The following FAM227A variants were observed in gnomAD, a reference collection of about 807,000 sequenced individuals.
FAM227A encodes the protein protein FAM227A.
Under a neutral mutation model 74.7 loss-of-function variants are expected in FAM227A, and 80 were observed. The observed-to-expected ratio is 1.07, with a 90% CI of 0.89 to 1.29. The LOEUF (loss-of-function observed/expected upper bound fraction) is 1.29. FAM227A is among the 50% of genes most tolerant of loss of function. FAM227A has a pLI of 0.00. For synonymous variants in FAM227A, 237 were observed against 241.8 expected (o/e 0.98, Z 0.19); for missense variants, 654 against 683.4 (o/e 0.96, Z 0.48).
chr22:38,613,312 C>CATATATATATCATATATAATATATATCAT (rs1435078532), intron 11 of FAM227A, among the ~76,000 whole-genome samples: 3 of 56,542 alleles, frequency 5.3e-5, no homozygotes, highest in Non-Finnish European at 8.6e-5. Flanking sequence ...TAATATATAA[C>CATATATATATCATATATAATATATATCAT]ATATAATATA....
At chr22:38,624,352 G>T (rs999070174) in intron 9 of FAM227A, among the ~76,000 whole-genome samples, 1 of 151,704 alleles carries the variant, frequency 6.6e-6, no homozygotes, top group Non-Finnish European at 1.5e-5. Context: ...TCCTGCCATT[G>T]CCCTCCAGCA....
chr22:38,620,105 T>C, intron 11 of FAM227A, 107 bp downstream of exon 11: 1 of 761,534 alleles, frequency 1.3e-6, no homozygotes, highest in Middle Eastern at 3.8e-4. Flanking sequence ...GGGCAAGGGG[T>C]ACAGAGATGT....
intron 3 of FAM227A, among the ~76,000 whole-genome samples, chr22:38,644,395 G>A (rs1308291962): frequency 2.7e-5 from 4 of 149,190 alleles, no homozygotes; most frequent in South Asian, 2.2e-4. Flanking sequence ...GTAGATACAT[G>A]TCATTAAAGA....
At chr22:38,590,655 G>A (rs540431434) in intron 16 of FAM227A, among the ~76,000 whole-genome samples, 2 of 152,306 alleles carry the variant, frequency 1.3e-5, no homozygotes, top group South Asian at 4.1e-4. Context: ...AAGGAGCTCT[G>A]TCTCATACAG....
intron 11 of FAM227A, among the ~76,000 whole-genome samples, chr22:38,614,700 A>G (rs2091539881): frequency 6.6e-6 from 1 of 152,096 alleles, no homozygotes; most frequent in Non-Finnish European, 1.5e-5. Context: ...AGAGTTTTTG[A>G]TTATTTCTAT....
chr22:38,588,727 C>G (rs2146125550), intron 16 of FAM227A, among the ~76,000 whole-genome samples: 1 of 149,860 alleles, frequency 6.7e-6, no homozygotes, highest in South Asian at 2.1e-4. Context: ...TCGAGACCAT[C>G]CTGGCTAACA....
At chr22:38,636,026 AAGAGAG>A (rs2091997593) in intron 6 of FAM227A, among the ~76,000 whole-genome samples, 1 of 151,020 alleles carries the variant, frequency 6.6e-6, no homozygotes, top group Non-Finnish European at 1.5e-5. Context: ...GGAAAGAAAG[AAGAGAG>A]AAAGAGAAAG....
At chr22:38,640,102 C>T (rs905765117) in intron 3 of FAM227A, among the ~76,000 whole-genome samples, 10 of 151,998 alleles carry the variant, frequency 6.6e-5, no homozygotes, top group Middle Eastern at 3.4e-3. Flanking sequence ...GGTGCAATCT[C>T]GGCTCACTGC....
intron 15 of FAM227A, among the ~76,000 whole-genome samples, chr22:38,593,728 TCACCCAGACTGGAGTGCA>T (rs1281444424): frequency 6.6e-6 from 1 of 152,112 alleles, no homozygotes; most frequent in Non-Finnish European, 1.5e-5. Context: ...TCTCACTCTG[TCACCCAGACTGGAGTGCA>T]CTGGCATGCT....
rs1053844732 is a variant in FAM227A, at chr22:38,649,905, T to C, written c.142+122A>G. Reference sequence around the variant, plus strand: ...GAAAGAAAAGAAAAGAAAAAATGAATGTATAAGGGACAAGCTAATAAGTAA... The same window carrying C: ...GAAAGAAAAGAAAAGAAAAAATGAACGTATAAGGGACAAGCTAATAAGTAA... On this transcript the variant is annotated intron_variant, in intron 2 of 16. Transcript: ENST00000535113. 58 of 820,334 alleles carry C rather than the reference T, an allele frequency of 7.1e-5. 1 individual carries two copies. The highest frequency in any genetic ancestry group is 1.0e-4 in the Non-Finnish European group (57 of 545,056). The allele number at this position is 820,334 out of a possible 1,614,324, so 50.8% of individuals were successfully genotyped here.
At chr22:38,634,453 C>T (rs988536978) in intron 6 of FAM227A, among the ~76,000 whole-genome samples, 5 of 152,082 alleles carry the variant, frequency 3.3e-5, no homozygotes, top group African/African-American at 9.7e-5. Flanking sequence ...TACAAACTAC[C>T]GTTTTCTTAG....
At chr22:38,641,948 G>GGTGT (rs3042708) in intron 3 of FAM227A, among the ~76,000 whole-genome samples, 4,516 of 145,460 alleles carry the variant, frequency 0.031, 121 homozygotes, top group Admixed American at 0.089. Context: ...CTCCCGAAAA[G>GGTGT]GTGTGTGTGT....
At chr22:38,607,114 C>A (rs1030968162) in intron 12 of FAM227A, among the ~76,000 whole-genome samples, 4 of 146,420 alleles carry the variant, frequency 2.7e-5, no homozygotes, top group African/African-American at 1.0e-4. Context: ...GAGGCGGAGG[C>A]TGCAGTGAGC....
chr22:38,617,647 AT>A (rs2091607091), intron 11 of FAM227A, among the ~76,000 whole-genome samples: 1 of 152,176 alleles, frequency 6.6e-6, no homozygotes, highest in African/African-American at 2.4e-5. Flanking sequence ...TTAAGGAAGC[AT>A]GTCATTAGAA....
intron 6 of FAM227A, among the ~76,000 whole-genome samples, chr22:38,634,918 G>C (rs1361098862): frequency 2.0e-5 from 3 of 152,092 alleles, no homozygotes; most frequent in Non-Finnish European, 4.4e-5. Context: ...GACCGACATA[G>C]CCCAGAGAGA....
intron 6 of FAM227A, among the ~76,000 whole-genome samples, chr22:38,633,190 G>A (rs2091944721): frequency 6.6e-6 from 1 of 152,188 alleles, no homozygotes; most frequent in Admixed American, 6.5e-5. Flanking sequence ...AGTAGAAGAA[G>A]GTCCTTTCGA....
In FAM227A at chr22:38,655,255, C is replaced by T. The variant is rs545573470; in HGVS notation, c.-95+865G>A. Among the ~76,000 whole-genome samples the T allele has an allele frequency of 3.9e-5, 6 of 151,962 alleles. No homozygotes were observed. The South Asian group carries it at 6.2e-4, about 16-fold the overall frequency. ...TTAATTAATTCAAATTTTGGCCAGG[C>T]GCAGTGGCCCGCACCTGTAATACCA... On this transcript the variant is annotated intron_variant, in intron 1 of 16. Coordinates refer to ENST00000535113, the MANE Select transcript of FAM227A (RefSeq NM_001013647.2).
chr22:38,613,642 G>A (rs2091516284), intron 11 of FAM227A, among the ~76,000 whole-genome samples: 1 of 150,860 alleles, frequency 6.6e-6, no homozygotes, highest in Admixed American at 6.7e-5. Flanking sequence ...TGCCTTCCTG[G>A]CTCAAAGACA....
intron 12 of FAM227A, among the ~76,000 whole-genome samples, chr22:38,606,667 C>G (rs1271937071): frequency 6.6e-6 from 1 of 152,192 alleles, no homozygotes; most frequent in Non-Finnish European, 1.5e-5. Flanking sequence ...TAACATGAAA[C>G]TTTTCTTTCA....
Sources: gnomAD v4.1 joint callset for allele counts (sites outside exome capture counted in the v4.1 genomes callset) on GRCh38, gnomAD v4.1.1 for gene constraint, MANE v1.5 for transcripts, NCBI Gene and HGNC (gene_info 2026-07-23, HGNC 2026-07-21) for gene names.